The following NDUFAF6 variants were observed in gnomAD, a reference collection of about 807,000 sequenced individuals.
NDUFAF6 encodes NADH dehydrogenase (ubiquinone) complex I, assembly factor 6.
Under a neutral mutation model 40.8 loss-of-function variants are expected in NDUFAF6, and 45 were observed. That is an observed-to-expected ratio of 1.10 (90% confidence interval 0.87 to 1.42). The LOEUF is 1.42. Ranked by LOEUF, NDUFAF6 falls within the 40% of genes most tolerant of loss-of-function variation. The pLI, the probability that NDUFAF6 is intolerant of heterozygous loss-of-function variation, is 0.00. For synonymous variants in NDUFAF6, 185 were observed against 155.9 expected, an observed-to-expected ratio of 1.19 and a Z score of -1.39; for missense variants, 435 against 418.5, an observed-to-expected ratio of 1.04 and a Z score of -0.34.
chr8:94,903,274 A>C lies in NDUFAF6; in HGVS notation c.-936+7347A>C, dbSNP rs191833899. Among the ~76,000 whole-genome samples, 1,004 of 152,208 alleles carry C rather than the reference A, an allele frequency of 6.6e-3. 10 individuals carry two copies. The highest frequency in any genetic ancestry group is 0.01 in the Admixed American group (158 of 15,288). ...ACTCAGGAGGCTCAGGTGGAGGATC[A>C]CTTGAGCCCAGGAGGTCGAGGCTGC... On this transcript the variant is annotated intron_variant, in intron 1 of 14. Transcript: ENST00000396113.
chr8:95,042,107 A>G (rs973488775), intron 4 of NDUFAF6, among the ~76,000 whole-genome samples: 3 of 152,228 alleles, frequency 2.0e-5, no homozygotes, highest in Non-Finnish European at 4.4e-5. Flanking sequence ...ACCTTTAAAT[A>G]TACCCCAGTA....
chr8:95,042,183 T>G (rs1390730292), intron 4 of NDUFAF6, among the ~76,000 whole-genome samples: 1 of 152,248 alleles, frequency 6.6e-6, no homozygotes, highest in Non-Finnish European at 1.5e-5. Context: ...AATGGAATCC[T>G]GTACTAAATT....
chr8:95,052,313 G>A (rs1342073219), intron 8 of NDUFAF6, 83 bp downstream of exon 8: 4 of 1,447,754 alleles, frequency 2.8e-6, no homozygotes, highest in Admixed American at 3.4e-5. Flanking sequence ...AGTTCCCAAT[G>A]AACTTCTTTA....
At chr8:95,005,856 G>T (rs773909574) in intron 2 of NDUFAF6, among the ~76,000 whole-genome samples, 3 of 152,050 alleles carry the variant, frequency 2.0e-5, no homozygotes, top group Non-Finnish European at 2.9e-5. Flanking sequence ...AGAGGAACCA[G>T]AATGGTTTTG....
At chr8:95,040,704 A>G (rs1349212467) in intron 3 of NDUFAF6, 1 of 152,244 alleles carries the variant, frequency 6.6e-6, no homozygotes, top group Non-Finnish European at 1.5e-5. Context: ...TTTGGTGTTC[A>G]GGTTGTCCCA....
At chr8:95,048,057 G>C (rs1384231389) in intron 6 of NDUFAF6, among the ~76,000 whole-genome samples, 1 of 152,008 alleles carries the variant, frequency 6.6e-6, no homozygotes, top group African/African-American at 2.4e-5. Context: ...AGCTGGGTGT[G>C]TTGGTGCACA....
At chr8:94,922,408 C>A (rs1418116466) in intron 1 of NDUFAF6, among the ~76,000 whole-genome samples, 1 of 151,890 alleles carries the variant, frequency 6.6e-6, no homozygotes, top group East Asian at 1.9e-4. Context: ...GAGCTAGCAG[C>A]ATGCGTATCA....
At position 95,025,185 on chromosome 8, in the gene NDUFAF6, C is replaced by T. The variant is rs1827945791; in HGVS notation, c.177C>T (p.His59=). 1 of 1,468,128 alleles carries T rather than the reference C, an allele frequency of 6.8e-7. No homozygotes were observed. Among genetic ancestry groups the T allele is most frequent in the Non-Finnish European group, 8.9e-7 (1 of 1,121,736 alleles). 90.9% of individuals were successfully genotyped at this position (1,468,128 alleles called of 1,614,324 possible). A position where few individuals can be genotyped will look rare whatever the true frequency, so the allele number is the denominator to read the frequency against. ...ASGPGAWGTD[H]YCLELLRKRD... ...GACCGGGCGCCTGGGGCACTGACCA[C>T]TACTGCCTGGAGCTGCTGCGGTGAG... Residue 59 remains histidine, a synonymous_variant, in exon 1 of 9, where the codon CAC becomes CAT. Coordinates refer to ENST00000396124, the MANE Select transcript of NDUFAF6 (RefSeq NM_152416.4).
intron 1 of NDUFAF6, among the ~76,000 whole-genome samples, chr8:94,974,037 T>A (rs1198839110): frequency 6.6e-6 from 1 of 152,046 alleles, no homozygotes; most frequent in Non-Finnish European, 1.5e-5. Flanking sequence ...AAACAAATAA[T>A]GTCTTTATGG....
At chr8:94,962,619 T>TG (rs1554641899) in intron 1 of NDUFAF6, among the ~76,000 whole-genome samples, 7 of 40,076 alleles carry the variant, frequency 1.7e-4, no homozygotes, top group African/African-American at 4.1e-4. Flanking sequence ...GTTTTTTGTT[T>TG]TTTTTTTTTT....
intron 1 of NDUFAF6, among the ~76,000 whole-genome samples, chr8:94,909,364 AAAAAAAAAAAAAAAAAAAC>A (rs1317715886): frequency 1.9e-4 from 4 of 20,580 alleles, no homozygotes; most frequent in Non-Finnish European, 4.5e-4. Flanking sequence ...AAAAAAAAAA[AAAAAAAAAAAAAAAAAAAC>A]ACTTCGGGAG....
chr8:95,057,664 T>C (rs1832356649), intron 8 of NDUFAF6, 145 bp from the exon 9 acceptor site: 2 of 660,650 alleles, frequency 3.0e-6, no homozygotes, highest in Admixed American at 3.2e-5. Context: ...TTTCTTTCTC[T>C]CTTTTAAAAT....
chr8:95,025,457 A>G (rs1206037018), intron 1 of NDUFAF6, among the ~76,000 whole-genome samples: 1 of 152,146 alleles, frequency 6.6e-6, no homozygotes, highest in Non-Finnish European at 1.5e-5. Flanking sequence ...CTGAACCTTA[A>G]TTTTAGCCGA....
At chr8:95,084,827 T>C (rs1052745872) in intron 2 of NDUFAF6, among the ~76,000 whole-genome samples, 4 of 152,226 alleles carry the variant, frequency 2.6e-5, no homozygotes, top group African/African-American at 9.6e-5. Context: ...AACCAAACTT[T>C]CCCACAAATA....
chr8:94,989,737 T>A lies in NDUFAF6; in HGVS notation c.-84+8764T>A, dbSNP rs533936316. Among the ~76,000 whole-genome samples, 290 of 152,280 alleles carry A rather than the reference T, an allele frequency of 1.9e-3. 2 individuals carry two copies. Among genetic ancestry groups the A allele is most frequent in the Non-Finnish European group, 3.6e-3 (242 of 68,022 alleles). Reference sequence around the variant, plus strand: ...TCCATTGCTAAGAGAGTGATAATTCTCTTTCACGTGTTGCACATCACAATG... The same window carrying A: ...TCCATTGCTAAGAGAGTGATAATTCACTTTCACGTGTTGCACATCACAATG... On this transcript the variant is annotated intron_variant, in intron 2 of 9. Coordinates refer to the NDUFAF6 transcript ENST00000396111.
intron 2 of NDUFAF6, among the ~76,000 whole-genome samples, chr8:94,987,401 T>C (rs1021065174): frequency 6.6e-6 from 1 of 152,094 alleles, no homozygotes; most frequent in African/African-American, 2.4e-5. Flanking sequence ...CACATACACA[T>C]TAATGGAATA....
At chr8:94,992,091 G>C (rs965541607) in intron 2 of NDUFAF6, among the ~76,000 whole-genome samples, 1 of 152,136 alleles carries the variant, frequency 6.6e-6, no homozygotes, top group African/African-American at 2.4e-5. Flanking sequence ...GTGCCATTTT[G>C]TACTACCCAG....
intron 2 of NDUFAF6, among the ~76,000 whole-genome samples, chr8:94,983,490 G>C (rs1385632923): frequency 6.6e-6 from 1 of 151,738 alleles, no homozygotes; most frequent in Non-Finnish European, 1.5e-5. Context: ...GGTCTTGAAC[G>C]CCTGACCTCA....
At chr8:95,047,342 G>A (rs1830892117) in intron 6 of NDUFAF6, among the ~76,000 whole-genome samples, 1 of 152,056 alleles carries the variant, frequency 6.6e-6, no homozygotes, top group Admixed American at 6.5e-5. Context: ...TGAGTAGGAA[G>A]GTCTAGAGAA....
Sources: gnomAD v4.1 joint callset for allele counts (sites outside exome capture counted in the v4.1 genomes callset) on GRCh38, gnomAD v4.1.1 for gene constraint, MANE v1.5 for transcripts, NCBI Gene and HGNC (gene_info 2026-07-23, HGNC 2026-07-21) for gene names.